Variants in DMD observed in about 807,000 individuals in gnomAD.
The protein encoded by DMD is dystrophin.
DMD carries 63 observed loss-of-function variants against 330.1 expected under a neutral mutation model. The ratio of observed to expected loss-of-function variants is 0.19; its 90% CI spans 0.16 to 0.24. The LOEUF is 0.24. Among genes scored for constraint, DMD ranks in the 10% least tolerant of loss-of-function variants. DMD has a pLI of 1.00. For missense variants in DMD, 3,344 were observed against 2,684.1 expected, an observed-to-expected ratio of 1.25 and a Z score of -5.43; for synonymous variants, 1,223 against 959.8, an observed-to-expected ratio of 1.27 and a Z score of -5.07.
chrX:31,133,737 C>T (rs1248422619), intron 77 of DMD, among the ~76,000 whole-genome samples: 1 of 111,509 alleles, frequency 9.0e-6, no homozygotes, highest in East Asian at 2.8e-4. Flanking sequence ...AGCCATATGT[C>T]CCTGGCAAAG....
At chrX:31,500,543 A>G (rs1352694266) in intron 56 of DMD, among the ~76,000 whole-genome samples, 1 of 112,485 alleles carries the variant, frequency 8.9e-6, no homozygotes, top group Non-Finnish European at 1.9e-5. Flanking sequence ...TTCAAGTCAC[A>G]TTTCTAATAC....
intron 57 of DMD, among the ~76,000 whole-genome samples, chrX:31,495,302 A>T (rs1379838938): frequency 9.0e-6 from 1 of 111,272 alleles, no homozygotes; most frequent in African/African-American, 3.3e-5. Context: ...TTTCCTTTAC[A>T]TGCTCAACAT....
At chrX:31,683,841 CATTT>C (rs1279235997) in intron 52 of DMD, among the ~76,000 whole-genome samples, 1 of 111,932 alleles carries the variant, frequency 8.9e-6, no homozygotes, top group African/African-American at 3.2e-5. Flanking sequence ...TCATAACTAA[CATTT>C]ATTTGAATAT....
At chrX:33,130,854 A>T (rs763536697) in intron 1 of DMD, among the ~76,000 whole-genome samples, 10 of 111,442 alleles carry the variant, frequency 9.0e-5, no homozygotes, top group Admixed American at 7.6e-4. Context: ...CCTGGCCGGG[A>T]CTTCATATTT....
rs147263338 is a variant in DMD at position 31,487,223 on chromosome X, G to A, written c.8548-8120C>T. On this transcript the variant is annotated intron_variant, in intron 57 of 78. Transcript: ENST00000357033. ...GGCCATAATCATCTTTTCTTATTGA[G>A]ATAAGAACACTTAATATGAACTTTA... 9.9e-5 allele frequency among the ~76,000 whole-genome samples: 11 copies of A among 111,284 alleles called. No homozygotes were observed. The East Asian group carries it at 2.8e-3, about 28-fold the overall frequency.
At chrX:31,314,754 G>GACAGAGAGAGAA (rs1569524496) in intron 62 of DMD, among the ~76,000 whole-genome samples, 1 of 103,638 alleles carries the variant, frequency 9.6e-6, no homozygotes, top group Non-Finnish European at 2.0e-5. Flanking sequence ...GAGAGAGAGA[G>GACAGAGAGAGAA]AGAGAGAGAG....
chrX:32,354,190 C>A (rs2097791080), intron 37 of DMD, among the ~76,000 whole-genome samples: 1 of 111,661 alleles, frequency 9.0e-6, no homozygotes, highest in African/African-American at 3.2e-5. Context: ...TCTTAATAAT[C>A]ATGATAAATT....
intron 13 of DMD, among the ~76,000 whole-genome samples, chrX:32,584,590 AAATT>A (rs1312961127): frequency 4.4e-5 from 5 of 112,361 alleles, no homozygotes; most frequent in Non-Finnish European, 9.4e-5. Flanking sequence ...CCAGCGATGA[AAATT>A]AATAAAGTAA....
At chrX:31,894,749 T>A (rs1252000274) in intron 47 of DMD, among the ~76,000 whole-genome samples, 1 of 111,804 alleles carries the variant, frequency 8.9e-6, no homozygotes, top group African/African-American at 3.3e-5. Flanking sequence ...GGGATGAAAC[T>A]TTTTACACAG....
At chrX:31,903,991 G>T (rs2094450922) in intron 47 of DMD, among the ~76,000 whole-genome samples, 1 of 111,444 alleles carries the variant, frequency 9.0e-6, no homozygotes, top group Non-Finnish European at 1.9e-5. Context: ...GAAAATATGA[G>T]AGTTTAAATC....
At position 32,345,976 on chromosome X, in the gene DMD, C is replaced by A; in HGVS notation, c.5553G>T (p.Gln1851His). The A allele has an allele frequency of 8.3e-7, 1 of 1,209,097 alleles. No homozygotes were observed. The highest frequency in any genetic ancestry group is 1.7e-5 in the African/African-American group (1 of 57,573). ...CATTATGTTTTGTCTGTAACAGCTG[C>A]TGTTTTATCTTTATTTCCTCTCGCT... ...ERKREEIKIK[Q>H]QLLQTKHNAL... is the part of the protein sequence containing the mutation. The change falls in exon 39 of 79, where the codon CAG (glutamine) becomes CAT (histidine). Residue 1851 changes from glutamine (Q) to histidine (H), a missense_variant. By Grantham distance (24) the Gln-to-His change is conservative (BLOSUM62 0). Coordinates refer to ENST00000357033, the MANE Select transcript of DMD (RefSeq NM_004006.3).
At chrX:31,459,950 T>C (rs2066429051) in intron 59 of DMD, among the ~76,000 whole-genome samples, 1 of 112,058 alleles carries the variant, frequency 8.9e-6, no homozygotes, top group Non-Finnish European at 1.9e-5. Flanking sequence ...ATTAATCAAA[T>C]TGCTTCTAAT....
intron 7 of DMD, among the ~76,000 whole-genome samples, chrX:32,719,504 C>T (rs1603260308): frequency 9.0e-6 from 1 of 111,191 alleles, no homozygotes; most frequent in South Asian, 3.7e-4. Context: ...GGTCATTGTA[C>T]TAAATAAAAG....
chrX:31,284,364 C>A (rs759355443), intron 62 of DMD, among the ~76,000 whole-genome samples: 1 of 111,051 alleles, frequency 9.0e-6, no homozygotes, highest in Non-Finnish European at 1.9e-5. Flanking sequence ...GACAAAGAAT[C>A]CTTGGTGATA....
chrX:32,249,261 G>A (rs1603629154), intron 43 of DMD, among the ~76,000 whole-genome samples: 3 of 111,776 alleles, frequency 2.7e-5, no homozygotes, highest in African/African-American at 9.7e-5. Context: ...AGTCAGAACT[G>A]CCCAACTGAA....
At chrX:32,564,611 G>A (rs2149088716) in intron 16 of DMD, among the ~76,000 whole-genome samples, 1 of 112,024 alleles carries the variant, frequency 8.9e-6, no homozygotes, top group African/African-American at 3.2e-5. Context: ...GATTGTGTGG[G>A]AAATTATTAC....
chrX:33,209,905 T>C (rs1380612344), intron 1 of DMD, among the ~76,000 whole-genome samples: 4 of 110,312 alleles, frequency 3.6e-5, no homozygotes, highest in African/African-American at 1.3e-4. Flanking sequence ...ATGATGTTAA[T>C]TATGTAGAAT....
At chrX:31,449,974 A>G (rs754020946) in intron 59 of DMD, among the ~76,000 whole-genome samples, 6 of 108,720 alleles carry the variant, frequency 5.5e-5, no homozygotes, top group African/African-American at 2.0e-4. Flanking sequence ...GGTTCCAAAA[A>G]TGAAGTGTTA....
At chrX:32,270,587 T>C (rs1253379031) in intron 43 of DMD, among the ~76,000 whole-genome samples, 1 of 111,963 alleles carries the variant, frequency 8.9e-6, no homozygotes, top group Admixed American at 9.5e-5. Context: ...TCTTTGGATA[T>C]GCCACGTGAC....
Sources: allele counts gnomAD v4.1 joint callset (sites outside exome capture counted in the v4.1 genomes callset), GRCh38; gene constraint gnomAD v4.1.1; transcripts MANE v1.5; gene names NCBI Gene and HGNC (gene_info 2026-07-23, HGNC 2026-07-21).